The following OR2V1 variants were observed in gnomAD, a reference collection of about 807,000 sequenced individuals.
OR2V1 encodes the protein olfactory receptor family 2 subfamily V member 1.
A neutral mutation model predicts 15.0 loss-of-function variants in OR2V1; 18 were observed. The observed-to-expected ratio is 1.20, with a 90% confidence interval of 0.83 to 1.78. The LOEUF is 1.78. Ranked by LOEUF, OR2V1 falls within the 40% of genes most tolerant of loss-of-function variation. OR2V1 has a pLI of 0.00. For missense variants in OR2V1, 359 were observed against 392.9 expected (o/e 0.91, Z 0.73); for synonymous variants, 144 against 146.1 (o/e 0.99, Z 0.10).
In OR2V1 at chr5:181,124,491, C is replaced by T. The variant is rs1240714014; in HGVS notation, c.814G>A (p.Asp272Asn). The T allele has an allele frequency of 6.2e-7, 1 of 1,613,952 alleles. No homozygotes were observed. Among genetic ancestry groups the T allele is most frequent in the Non-Finnish European group, 8.5e-7 (1 of 1,179,926 alleles). ...GTGTAGAAGATAGAGGCCACCTTGT[C>T]ATGGCTAGGGGCCCGGTAGCGCCTA... ...RPRRYRAPSH[D>N]KVASIFYTVL... The change falls in exon 4 of 4, where the codon GAC becomes AAC. Residue 272 changes from aspartate to asparagine, a missense_variant. Asp to Asn is a conservative substitution (Grantham distance 23). Coordinates refer to ENST00000641551, the MANE Select transcript of OR2V1 (RefSeq NM_001258283.2).
At chr5:181,129,975 A>G (rs1762939758) in intron 2 of OR2V1, among the ~76,000 whole-genome samples, 198 bp downstream of exon 2, 1 of 152,208 alleles carries the variant, frequency 6.6e-6, no homozygotes, top group South Asian at 2.1e-4. Context: ...GAACGAGAAG[A>G]AAGAGTGAGG....
At chr5:181,129,341 G>A (rs755645941) in intron 3 of OR2V1, among the ~76,000 whole-genome samples, 179 bp downstream of exon 3, 9 of 152,266 alleles carry the variant, frequency 5.9e-5, no homozygotes, top group Non-Finnish European at 1.2e-4. Context: ...TGAGGCTGCA[G>A]TGAGCTACGA....
At chr5:181,127,346 A>G (rs1277072292) in intron 3 of OR2V1, among the ~76,000 whole-genome samples, 1 of 152,190 alleles carries the variant, frequency 6.6e-6, no homozygotes, top group East Asian at 1.9e-4. Flanking sequence ...TGAGTGTCAC[A>G]GGAGTTTGCT....
At chr5:181,128,311 C>G (rs1464758549) in intron 3 of OR2V1, among the ~76,000 whole-genome samples, 1 of 152,168 alleles carries the variant, frequency 6.6e-6, no homozygotes, top group Non-Finnish European at 1.5e-5. Flanking sequence ...CCTGGCCACA[C>G]CACCTCTAGA....
Position 181,124,500 on chromosome 5 carries a change from G to C in OR2V1, c.805C>G (p.Pro269Ala). Residue 269 changes from proline (P) to alanine (A), a missense_variant, in exon 4 of 4, where the codon CCT becomes GCT. Physicochemically the swap from Pro to Ala is conservative, Grantham distance 27. Coordinates refer to ENST00000641551, the MANE Select transcript of OR2V1 (RefSeq NM_001258283.2). ...ATAGAGGCCACCTTGTCATGGCTAGGGGCCCGGTAGCGCCTAGGCCTCAGG... is the reference window on the plus strand; with the variant it reads ...ATAGAGGCCACCTTGTCATGGCTAGCGGCCCGGTAGCGCCTAGGCCTCAGG... ...MYLRPRRYRA[P>A]SHDKVASIFY... is the part of the protein sequence containing the mutation. The C allele has an allele frequency of 6.2e-7, 1 of 1,613,902 alleles. No individual in the cohort carries two copies. Among genetic ancestry groups the C allele is most frequent in the South Asian group, 1.1e-5 (1 of 91,062 alleles).
intron 3 of OR2V1, among the ~76,000 whole-genome samples, chr5:181,128,221 C>T (rs987361279): frequency 2.6e-5 from 4 of 151,634 alleles, no homozygotes; most frequent in Non-Finnish European, 5.9e-5. Context: ...CACACACACA[C>T]GCCCCAAACA....
intron 3 of OR2V1, among the ~76,000 whole-genome samples, chr5:181,127,176 T>G (rs1476700920): frequency 6.6e-6 from 1 of 152,232 alleles, no homozygotes; most frequent in Non-Finnish European, 1.5e-5. Context: ...GAAAGCATGT[T>G]TCTGTTCACC....
At chr5:181,127,411 A>G (rs1195777344) in intron 3 of OR2V1, among the ~76,000 whole-genome samples, 1 of 152,186 alleles carries the variant, frequency 6.6e-6, no homozygotes, top group Admixed American at 6.5e-5. Context: ...ACATCTTCAG[A>G]TGCTTACAAA....
In OR2V1 at chr5:181,124,694, C is replaced by A. The variant is rs1244122383; in HGVS notation, c.611G>T (p.Cys204Phe). The A allele has an allele frequency of 1.2e-6, 2 of 1,612,824 alleles. No individual in the cohort carries two copies. The highest frequency in any genetic ancestry group is 3.3e-5 in the Admixed American group (2 of 60,000). Residue 204 changes from cysteine (C) to phenylalanine (F), a missense_variant, in exon 4 of 4, where the codon TGT becomes TTT. Cys to Phe is a radical substitution (Grantham distance 205). Transcript: ENST00000641551. Reference sequence around the variant, plus strand: ...GAAGGGAAGGAGAAGCATGAAGACACAGCAAGCAAAGAGGAGGGTGTCAAA... The same window carrying A: ...GAAGGGAAGGAGAAGCATGAAGACAAAGCAAGCAAAGAGGAGGGTGTCAAA... ...SLFDTLLFAC[C>F]VFMLLLPFSI...
In OR2V1 at chr5:181,129,454, T is replaced by A. The variant is rs539059824; in HGVS notation, c.-22+66A>T. 2.0e-4 allele frequency: 31 copies of A among 151,954 alleles called. 1 individual carries two copies. The highest frequency in any genetic ancestry group is 2.0e-3 in the Admixed American group (30 of 15,274). The allele number at this position is 151,954 out of a possible 1,614,324, so 9.4% of individuals were successfully genotyped here. A position where few individuals can be genotyped will look rare whatever the true frequency, so the allele number is the denominator to read the frequency against. The stretch of plus-strand genomic sequence containing the variant: ...CTGTTCCCACAGCGACCAAGCACCC[T>A]CTCAGCCATATCAACCAGCAAAATA... On this transcript the variant is annotated intron_variant, in intron 3 of 3. Coordinates refer to ENST00000641551, the MANE Select transcript of OR2V1 (RefSeq NM_001258283.2).
At chr5:181,127,705 A>C (rs566315485) in intron 3 of OR2V1, among the ~76,000 whole-genome samples, 1 of 152,112 alleles carries the variant, frequency 6.6e-6, no homozygotes, top group Non-Finnish European at 1.5e-5. Context: ...TGACCCCTGG[A>C]GTGATGTGGA....
At chr5:181,129,200 C>T (rs1199127361) in intron 3 of OR2V1, among the ~76,000 whole-genome samples, 2 of 152,226 alleles carry the variant, frequency 1.3e-5, no homozygotes, top group Middle Eastern at 6.8e-3. Flanking sequence ...CCACTGCACT[C>T]CAGCCTGGGT....
At chr5:181,130,876 C>T (rs1391331185) in intron 1 of OR2V1, among the ~76,000 whole-genome samples, 174 bp downstream of exon 1, 4 of 152,194 alleles carry the variant, frequency 2.6e-5, no homozygotes, top group Admixed American at 6.5e-5. Context: ...CTCATGGGGT[C>T]TCCATGTCAC....
intron 3 of OR2V1, among the ~76,000 whole-genome samples, chr5:181,128,556 T>C (rs1762916188): frequency 6.6e-6 from 1 of 152,232 alleles, no homozygotes. Context: ...CCCTGCCTCC[T>C]GGAGCTGCTC....
chr5:181,125,773 G>T (rs1352845286), intron 3 of OR2V1, among the ~76,000 whole-genome samples: 1 of 152,220 alleles, frequency 6.6e-6, no homozygotes, highest in Non-Finnish European at 1.5e-5. Flanking sequence ...ATCACCTGAG[G>T]TTGGGAGTTC....
chr5:181,125,726 C>T (rs1762864308), intron 3 of OR2V1, among the ~76,000 whole-genome samples: 1 of 152,220 alleles, frequency 6.6e-6, no homozygotes, highest in Non-Finnish European at 1.5e-5. Flanking sequence ...TGGCTCACGC[C>T]TGTAATCCCA....
Position 181,123,786 on chromosome 5 carries a change from G to A in OR2V1, c.*571C>T, listed in dbSNP as rs991317954. The stretch of plus-strand genomic sequence containing the variant: ...AGGAGGTTTTATAAAGCCTCTAATT[G>A]AACATAGAAAAAGGCAAAGAACTGT... On this transcript the variant is annotated 3_prime_UTR_variant, in exon 4 of 4. Transcript: ENST00000641551. The A allele has an allele frequency of 1.3e-5, 2 of 152,166 alleles. No individual in the cohort carries two copies. The highest frequency in any genetic ancestry group is 4.8e-5 in the African/African-American group (2 of 41,438). 9.4% of individuals were successfully genotyped at this position (152,166 alleles called of 1,614,324 possible).
At chr5:181,129,613 C>T (rs1762933338) in intron 2 of OR2V1, 38 bp from the exon 3 acceptor site, 1 of 152,198 alleles carries the variant, frequency 6.6e-6, no homozygotes, top group South Asian at 2.1e-4. Context: ...TGAAACACAA[C>T]AGAATTTATT....
rs149308949 is a variant in OR2V1 at position 181,126,735 on chromosome 5, T to TAC, written c.-21-1412_-21-1411dup. ...ATCCATATACAGAAACACAGAGACA[T>TAC]ACACACACACACACAGAGTCATACA... On this transcript the variant is annotated intron_variant, in intron 3 of 3. Transcript: ENST00000641551. Among the ~76,000 whole-genome samples, 247 of 137,452 alleles carry TAC rather than the reference T, an allele frequency of 1.8e-3. 1 individual carries two copies. Among genetic ancestry groups the TAC allele is most frequent in the Non-Finnish European group, 3.3e-3 (210 of 62,834 alleles). The allele number at this position is 137,452 out of a possible 152,430, so 90.2% of individuals were successfully genotyped here.
Sources: allele counts gnomAD v4.1 joint callset (sites outside exome capture counted in the v4.1 genomes callset), GRCh38; gene constraint gnomAD v4.1.1; transcripts MANE v1.5; gene names NCBI Gene and HGNC (gene_info 2026-07-23, HGNC 2026-07-21).